The following ARHGEF3 variants were observed in gnomAD, a reference collection of about 807,000 sequenced individuals.
The protein encoded by ARHGEF3 is 59.8 kDA protein.
A neutral mutation model predicts 63.2 loss-of-function variants in ARHGEF3; 28 were observed. The ratio of observed to expected loss-of-function variants is 0.44; its 90% CI spans 0.33 to 0.61. The LOEUF (loss-of-function observed/expected upper bound fraction) is 0.61, where lower values mean the gene tolerates loss of function less well. ARHGEF3 is among the 20% of genes least tolerant of loss of function. ARHGEF3 has a pLI of 0.03. For synonymous variants in ARHGEF3, 266 were observed against 254.2 expected (o/e 1.05, Z -0.44); for missense variants, 533 against 659.3 (o/e 0.81, Z 2.10).
At chr3:56,888,957 C>T (rs181083165) in intron 3 of ARHGEF3, among the ~76,000 whole-genome samples, 1 of 152,126 alleles carries the variant, frequency 6.6e-6, no homozygotes, top group Admixed American at 6.5e-5. Flanking sequence ...GGTCCCTTTG[C>T]TAATTTGCAA....
upstream of ARHGEF3, among the ~76,000 whole-genome samples, chr3:56,803,266 T>C (rs1330446856): frequency 1.3e-5 from 2 of 151,846 alleles, no homozygotes; most frequent in African/African-American, 2.4e-5. Flanking sequence ...TGAAACCCTG[T>C]GTCTACAAAA....
intron 3 of ARHGEF3, among the ~76,000 whole-genome samples, chr3:56,897,862 G>T (rs1460107908): frequency 6.6e-6 from 1 of 151,990 alleles, no homozygotes; most frequent in African/African-American, 2.4e-5. Context: ...ACCATGCCCG[G>T]CCCTATTTTT....
chr3:56,765,809 A>G (rs2035671942), intron 2 of ARHGEF3, among the ~76,000 whole-genome samples: 1 of 152,046 alleles, frequency 6.6e-6, no homozygotes, highest in African/African-American at 2.4e-5. Context: ...ATTCATTTTT[A>G]TTTGGTTGCA....
In ARHGEF3 at chr3:56,787,718, G is replaced by GATAATAATAATAATAATA. The variant is rs58762340; in HGVS notation, c.97-13920_97-13903dup. Among the ~76,000 whole-genome samples the GATAATAATAATAATAATA allele has an allele frequency of 2.9e-3, 442 of 150,894 alleles. 3 individuals are homozygous for GATAATAATAATAATAATA. Among genetic ancestry groups the GATAATAATAATAATAATA allele is most frequent in the South Asian group, 0.015 (72 of 4,770 alleles). On this transcript the variant is annotated intron_variant, in intron 1 of 9. Transcript: ENST00000296315. The stretch of plus-strand genomic sequence containing the variant: ...CTTCCCAGGATATACAACTTCCTCT[G>GATAATAATAATAATAATA]ATAATAATAATAATAATATAATAGC...
chr3:57,029,443 AT>A (rs1703635197), intron 2 of ARHGEF3, among the ~76,000 whole-genome samples: 1 of 151,474 alleles, frequency 6.6e-6, no homozygotes, highest in Non-Finnish European at 1.5e-5. Flanking sequence ...AAAAAAAAAA[AT>A]CTACTTACCT....
chr3:56,751,542 G>A, intron 4 of ARHGEF3, 146 bp from the exon 5 acceptor site: 1 of 672,040 alleles, frequency 1.5e-6, no homozygotes. Flanking sequence ...AGAAACAGCA[G>A]AGAGGTGTGG....
At chr3:57,008,379 CA>C (rs1403384405) in intron 2 of ARHGEF3, among the ~76,000 whole-genome samples, 1 of 152,032 alleles carries the variant, frequency 6.6e-6, no homozygotes, top group Admixed American at 6.6e-5. Context: ...AATAAAACTC[CA>C]CGTAACAGCC....
chr3:56,894,217 C>T (rs2041220956), intron 3 of ARHGEF3, among the ~76,000 whole-genome samples: 1 of 152,302 alleles, frequency 6.6e-6, no homozygotes, highest in Non-Finnish European at 1.5e-5. Flanking sequence ...CAGTCTTGTA[C>T]ACTGGAATCA....
At chr3:56,958,728 A>T in intron 3 of ARHGEF3, 1 of 1,308,288 alleles carries the variant, frequency 7.6e-7, no homozygotes. Context: ...GACTTTGATT[A>T]GTAAAACCAA....
intron 4 of ARHGEF3, among the ~76,000 whole-genome samples, chr3:56,846,794 C>A (rs2039505960): frequency 6.6e-6 from 1 of 152,100 alleles, no homozygotes; most frequent in Admixed American, 6.5e-5. Flanking sequence ...CCTTTCCCTT[C>A]CTTTCCCTGT....
chr3:57,010,281 C>T (rs1031321725), intron 2 of ARHGEF3, among the ~76,000 whole-genome samples: 3 of 152,118 alleles, frequency 2.0e-5, no homozygotes, highest in South Asian at 2.1e-4. Context: ...GGTGAAACCC[C>T]ATCTCTACTA....
At chr3:57,002,479 T>TTATATATATATATATATATATATATA in intron 2 of ARHGEF3, among the ~76,000 whole-genome samples, 1 of 39,466 alleles carries the variant, frequency 2.5e-5, no homozygotes, top group African/African-American at 1.5e-4. Context: ...TATATATATG[T>TTATATATATATATATATATATATATA]TATATATATA....
At chr3:56,811,582 G>T (rs1050646126) in intron 4 of ARHGEF3, among the ~76,000 whole-genome samples, 4 of 152,194 alleles carry the variant, frequency 2.6e-5, no homozygotes, top group Non-Finnish European at 5.9e-5. Context: ...GGGCTAGTTG[G>T]TGTGGGTTAA....
At chr3:56,915,391 G>A (rs562952524) in intron 3 of ARHGEF3, among the ~76,000 whole-genome samples, 5 of 152,202 alleles carry the variant, frequency 3.3e-5, no homozygotes, top group African/African-American at 7.2e-5. Flanking sequence ...GCTTGAGCCC[G>A]GGCGGTCAAG....
Position 56,966,478 on chromosome 3 carries a change from T to A in ARHGEF3, c.63-7589A>T, listed in dbSNP as rs574359611. Among the ~76,000 whole-genome samples, 18 of 152,320 alleles carry A rather than the reference T, an allele frequency of 1.2e-4. No homozygotes were observed. The South Asian group carries it at 2.1e-3, about 18-fold the overall frequency. ...GATTTATTGCATATAATGAACATAA[T>A]GCAGATTATAATAACATATATTAGC... On this transcript the variant is annotated intron_variant, in intron 2 of 12. Coordinates refer to the ARHGEF3 transcript ENST00000338458.
intron 2 of ARHGEF3, among the ~76,000 whole-genome samples, chr3:56,959,591 C>T (rs914185737): frequency 6.6e-6 from 1 of 152,322 alleles, no homozygotes; most frequent in Non-Finnish European, 1.5e-5. Context: ...CATGTGATGT[C>T]TGTCAATATG....
chr3:56,938,327 C>G (rs1399918058), intron 3 of ARHGEF3, among the ~76,000 whole-genome samples: 1 of 151,838 alleles, frequency 6.6e-6, no homozygotes, highest in Non-Finnish European at 1.5e-5. Flanking sequence ...AAAATGGGCC[C>G]CATGCAATCA....
intron 3 of ARHGEF3, among the ~76,000 whole-genome samples, chr3:56,884,548 A>C (rs1019914458): frequency 4.6e-5 from 7 of 152,272 alleles, no homozygotes; most frequent in African/African-American, 1.7e-4. Flanking sequence ...AGAGATGCTG[A>C]TGCCAGGAGC....
intron 4 of ARHGEF3, among the ~76,000 whole-genome samples, chr3:56,833,357 C>T (rs2038993272): frequency 6.6e-6 from 1 of 152,266 alleles, no homozygotes; most frequent in East Asian, 1.9e-4. Context: ...TGCAACTGAG[C>T]ATCTTTTCAT....
Sources: allele counts gnomAD v4.1 joint callset (sites outside exome capture counted in the v4.1 genomes callset), GRCh38; gene constraint gnomAD v4.1.1; transcripts MANE v1.5; gene names NCBI Gene and HGNC (gene_info 2026-07-23, HGNC 2026-07-21).